The following CANX variants were observed in gnomAD, a reference collection of about 807,000 sequenced individuals.
CANX encodes the protein calnexin.
In CANX, 14 loss-of-function variants were observed where a neutral mutation model predicts 75.7. The ratio of observed to expected loss-of-function variants is 0.19; its 90% CI spans 0.12 to 0.29. The LOEUF is 0.29. CANX is among the 10% of genes least tolerant of loss of function. The pLI is 1.00. For synonymous variants in CANX, 227 were observed against 236.9 expected (o/e 0.96, Z 0.38); for missense variants, 567 against 713.2 (o/e 0.79, Z 2.34).
intron 7 of CANX, among the ~76,000 whole-genome samples, chr5:179,715,058 C>G (rs1269117816): frequency 6.6e-6 from 1 of 152,354 alleles, no homozygotes; most frequent in Admixed American, 6.5e-5. Flanking sequence ...AGCCACCACA[C>G]CCGTTTCTTA....
Position 179,705,679 on chromosome 5 carries a change from A to G in CANX, c.-3A>G. The stretch of plus-strand genomic sequence containing the variant: ...AACTGATTTTGCTCTTTATGTGTAG[A>G]TCATGGAAGGGAAGTGGTTGCTGTG... On this transcript the variant is annotated splice_region_variant and 5_prime_UTR_variant, in exon 2 of 15. Coordinates refer to ENST00000247461, the MANE Select transcript of CANX (RefSeq NM_001746.4). 1 of 1,611,372 alleles carries G rather than the reference A, an allele frequency of 6.2e-7. No individual in the cohort carries two copies.
At chr5:179,685,537 C>T (rs551717068) in intron 1 of CANX, among the ~76,000 whole-genome samples, 37 of 143,764 alleles carry the variant, frequency 2.6e-4, no homozygotes, top group African/African-American at 8.6e-4. Context: ...CGTGAGCCAC[C>T]GCGCCCAGCT....
At chr5:179,699,151 G>A in intron 1 of CANX, 49 bp downstream of exon 1, 2 of 981,132 alleles carry the variant, frequency 2.0e-6, no homozygotes, top group South Asian at 7.9e-5. Context: ...GGACCTCGGG[G>A]GGCTGGGAGC....
Position 179,730,024 on chromosome 5 carries a change from T to C in CANX, c.*1380T>C, listed in dbSNP as rs12054833. 0.084 allele frequency: 12,754 copies of C among 152,686 alleles called. 747 individuals are homozygous for C. The highest frequency in any genetic ancestry group is 0.17 in the Admixed American group (2,614 of 15,284). 9.5% of individuals were successfully genotyped at this position (152,686 alleles called of 1,614,324 possible). A position where few individuals can be genotyped will look rare whatever the true frequency, so the allele number is the denominator to read the frequency against. ...TTTTAAAAAAGTGATCTTAGGTTTG[T>C]TTTTTCATGCGGGATGCAGATGGGT... is the stretch of plus-strand genomic sequence containing the variant. On this transcript the variant is annotated 3_prime_UTR_variant, in exon 15 of 15. Coordinates refer to ENST00000247461, the MANE Select transcript of CANX (RefSeq NM_001746.4).
chr5:179,678,880 C>G, intron 1 of CANX: 1 of 1,536,150 alleles, frequency 6.5e-7, no homozygotes, highest in Middle Eastern at 1.7e-4. Flanking sequence ...TCCTCGCCAG[C>G]TGGCTCTCAG....
Position 179,699,116 on chromosome 5 carries a change from C to T in CANX, c.-4+14C>T. 1 of 1,036,586 alleles carries T rather than the reference C, an allele frequency of 9.6e-7. No individual in the cohort carries two copies. Among genetic ancestry groups the T allele is most frequent in the South Asian group, 2.8e-5 (1 of 36,190 alleles). The allele number at this position is 1,036,586 out of a possible 1,614,324, so 64.2% of individuals were successfully genotyped here. Reference sequence around the variant, plus strand: ...GGGAGGCTAGAGGTGAGAGGGGAGACCTGAGCGCGTCCTCGGGCCTGTGAG... The same window carrying T: ...GGGAGGCTAGAGGTGAGAGGGGAGATCTGAGCGCGTCCTCGGGCCTGTGAG... On this transcript the variant is annotated intron_variant, in intron 1 of 14. Coordinates refer to ENST00000247461, the MANE Select transcript of CANX (RefSeq NM_001746.4).
chr5:179,682,935 C>G (rs1213988448), intron 1 of CANX, among the ~76,000 whole-genome samples: 3 of 152,062 alleles, frequency 2.0e-5, no homozygotes, highest in Admixed American at 1.3e-4. Flanking sequence ...GTTTGAAGGA[C>G]ACGTGCCACG....
At chr5:179,693,195 G>A (rs1036514229) in intron 1 of CANX, among the ~76,000 whole-genome samples, 4 of 147,060 alleles carry the variant, frequency 2.7e-5, no homozygotes, top group South Asian at 2.2e-4. Context: ...ATGGACAAAC[G>A]ACATGAATAG....
At chr5:179,708,814 C>A (rs6893300) in intron 5 of CANX, among the ~76,000 whole-genome samples, 164 bp from the exon 6 acceptor site, 36,908 of 151,992 alleles carry the variant, frequency 0.24, 4,865 homozygotes, top group Non-Finnish European at 0.3. Context: ...ATTTTTGTGG[C>A]ATTTGATAAC....
At chr5:179,722,559 T>A (rs1378699687) in intron 10 of CANX, among the ~76,000 whole-genome samples, 1 of 152,044 alleles carries the variant, frequency 6.6e-6, no homozygotes, top group Non-Finnish European at 1.5e-5. Context: ...ACTTGAGGGG[T>A]TGGTTTGGAC....
At chr5:179,679,043 G>A (rs1473353157) in intron 1 of CANX, 7 of 1,534,492 alleles carry the variant, frequency 4.6e-6, no homozygotes, top group Non-Finnish European at 6.1e-6. Context: ...CGGCCGCCGT[G>A]GCGAGAAGGG....
intron 7 of CANX, among the ~76,000 whole-genome samples, chr5:179,710,944 T>C (rs1290150466): frequency 6.6e-6 from 1 of 151,756 alleles, no homozygotes; most frequent in African/African-American, 2.4e-5. Flanking sequence ...TAATCCTAGC[T>C]ACTCGGGAGG....
At position 179,719,739 on chromosome 5, in the gene CANX, C is replaced by G. The variant is rs1778185128; in HGVS notation, c.983C>G (p.Pro328Arg). 1.2e-6 allele frequency: 2 copies of G among 1,612,270 alleles called. No homozygotes were observed. The highest frequency in any genetic ancestry group is 1.7e-6 in the Non-Finnish European group (2 of 1,178,950). Residue 328 changes from proline (P) to arginine (R), a missense_variant, in exon 9 of 15, where the codon CCT becomes CGT. Pro to Arg is a moderately radical substitution (Grantham distance 103). This residue lies in a region of CANX where 351 missense variants were observed against 433.8 expected (regional missense o/e 0.81). Coordinates refer to ENST00000247461, the MANE Select transcript of CANX (RefSeq NM_001746.4). ...CCCGAAGGCTGGTTAGATGATGAGC[C>G]TGAGTACGTACCTGATCCAGACGCA... ...TKPEGWLDDE[P>R]EYVPDPDAEK... is the part of the protein sequence containing the mutation.
intron 1 of CANX, among the ~76,000 whole-genome samples, chr5:179,679,958 CTTTTTTTTTTTTTT>C (rs34916199): frequency 1.7e-5 from 1 of 59,348 alleles, no homozygotes; most frequent in African/African-American, 6.4e-5. Context: ...TGCGCCTGGC[CTTTTTTTTTTTTTT>C]TTTTTTTTTT....
intron 1 of CANX, among the ~76,000 whole-genome samples, chr5:179,701,249 G>A (rs1776736296): frequency 6.6e-6 from 1 of 152,094 alleles, no homozygotes. Flanking sequence ...ACCTTTAGGG[G>A]GCAATTGGGA....
At position 179,723,101 on chromosome 5, in the gene CANX, T is replaced by C. The variant is rs545029993; in HGVS notation, c.1398+82T>C. The C allele has an allele frequency of 4.3e-4, 528 of 1,233,660 alleles. 6 individuals are homozygous for C. The Middle Eastern group carries it at 0.022, about 51-fold the overall frequency. 76.4% of individuals were successfully genotyped at this position (1,233,660 alleles called of 1,614,324 possible). ...TGAAAGTCTGTGTTAAGGTTTTTTT[T>C]CTTCATTTGGCAATATTGGCATAAA... is the stretch of plus-strand genomic sequence containing the variant. On this transcript the variant is annotated intron_variant, in intron 11 of 14. Coordinates refer to ENST00000247461, the MANE Select transcript of CANX (RefSeq NM_001746.4).
chr5:179,723,603 G>A (rs1581897222), intron 11 of CANX, 57 bp from the exon 12 acceptor site: 5 of 1,588,228 alleles, frequency 3.1e-6, no homozygotes, highest in Non-Finnish European at 3.4e-6. Context: ...AAAACAGCAC[G>A]GCCTATGTTT....
At chr5:179,719,285 C>T (rs1382935593) in intron 8 of CANX, among the ~76,000 whole-genome samples, 1 of 152,040 alleles carries the variant, frequency 6.6e-6, no homozygotes, top group South Asian at 2.1e-4. Flanking sequence ...TTTTATGAGT[C>T]TTTTTTATTA....
rs1778956180 is a variant in CANX at position 179,730,954 on chromosome 5, CCTT to C, written c.*2312_*2314del. On this transcript the variant is annotated 3_prime_UTR_variant, in exon 15 of 15. Coordinates refer to ENST00000247461, the MANE Select transcript of CANX (RefSeq NM_001746.4). ...TTTTGACTGAATTTCTTCATAGTAA[CCTT>C]CAGTGTGTGTGTGTGACTATGTTCA... 1 of 152,194 alleles carries C rather than the reference CCTT, an allele frequency of 6.6e-6. No homozygotes were observed. Among genetic ancestry groups the C allele is most frequent in the Admixed American group, 6.5e-5 (1 of 15,272 alleles). The allele number at this position is 152,194 out of a possible 1,614,324, so 9.4% of individuals were successfully genotyped here.
Sources: gnomAD v4.1 joint callset for allele counts (sites outside exome capture counted in the v4.1 genomes callset) on GRCh38, gnomAD v4.1.1 for gene constraint, gnomAD v4.1.1 regional missense constraint, MANE v1.5 for transcripts, NCBI Gene and HGNC (gene_info 2026-07-23, HGNC 2026-07-21) for gene names.